The following NXPH1 variants were observed in gnomAD, a reference collection of about 807,000 sequenced individuals.
NXPH1 encodes the protein neurexophilin-1.
A neutral mutation model predicts 23.7 loss-of-function variants in NXPH1; 5 were observed. The ratio of observed to expected loss-of-function variants is 0.21; its 90% CI spans 0.11 to 0.44. NXPH1 has a LOEUF of 0.44. Ranked by LOEUF, NXPH1 falls within the 20% of genes least tolerant of loss-of-function variation. The pLI, the probability that NXPH1 is intolerant of heterozygous loss-of-function variation, is 0.99. For synonymous variants in NXPH1, 144 were observed against 122.2 expected, an observed-to-expected ratio of 1.18 and a Z score of -1.18; for missense variants, 324 against 321.6, an observed-to-expected ratio of 1.01 and a Z score of -0.06.
intron 2 of NXPH1, among the ~76,000 whole-genome samples, chr7:8,648,904 T>C (rs371826099): frequency 1.2e-4 from 19 of 152,234 alleles, no homozygotes; most frequent in African/African-American, 4.6e-4. Flanking sequence ...AAGTTTCTAA[T>C]TGGTATATCC....
At chr7:8,679,284 GA>G (rs1312529828) in intron 2 of NXPH1, among the ~76,000 whole-genome samples, 3 of 151,956 alleles carry the variant, frequency 2.0e-5, no homozygotes, top group Non-Finnish European at 2.9e-5. Flanking sequence ...AACATTTTAA[GA>G]AATAGTTCTG....
chr7:8,513,440 T>G (rs748779455), intron 2 of NXPH1, among the ~76,000 whole-genome samples: 22 of 152,126 alleles, frequency 1.4e-4, no homozygotes, highest in Non-Finnish European at 3.2e-4. Context: ...GCATTAATAT[T>G]CACATATTTG....
At chr7:8,678,008 C>A (rs1423161887) in intron 2 of NXPH1, among the ~76,000 whole-genome samples, 10 of 151,924 alleles carry the variant, frequency 6.6e-5, no homozygotes, top group African/African-American at 2.4e-4. Context: ...CCAATATAAA[C>A]ATCTCAATGT....
At chr7:8,446,843 T>C (rs1263604575) in intron 2 of NXPH1, among the ~76,000 whole-genome samples, 2 of 152,118 alleles carry the variant, frequency 1.3e-5, no homozygotes, top group African/African-American at 4.8e-5. Flanking sequence ...TTAAAAATCA[T>C]GGTGACATTT....
chr7:8,610,834 T>C (rs1291966709), intron 2 of NXPH1, among the ~76,000 whole-genome samples: 1 of 152,102 alleles, frequency 6.6e-6, no homozygotes, highest in African/African-American at 2.4e-5. Context: ...GGCTCTTTTT[T>C]GGAACAGGAG....
At chr7:8,689,723 T>C (rs1821198377) in intron 2 of NXPH1, among the ~76,000 whole-genome samples, 1 of 152,184 alleles carries the variant, frequency 6.6e-6, no homozygotes, top group African/African-American at 2.4e-5. Flanking sequence ...AGGAATCCAC[T>C]AATGCAATTT....
intron 2 of NXPH1, among the ~76,000 whole-genome samples, chr7:8,704,240 A>T (rs1779670537): frequency 6.6e-6 from 1 of 152,098 alleles, no homozygotes; most frequent in Admixed American, 6.6e-5. Context: ...TGGTAGCCTA[A>T]ATTCAATGAG....
chr7:8,722,491 T>C (rs1779985314), intron 2 of NXPH1, among the ~76,000 whole-genome samples: 1 of 152,182 alleles, frequency 6.6e-6, no homozygotes, highest in Non-Finnish European at 1.5e-5. Context: ...GTGCACAAGT[T>C]TGTGTCCAAA....
intron 2 of NXPH1, among the ~76,000 whole-genome samples, chr7:8,680,977 T>A (rs563907544): frequency 4.5e-4 from 68 of 152,376 alleles, no homozygotes; most frequent in Admixed American, 1.9e-3. Context: ...TTGAACTAGA[T>A]GTTTTACAGA....
At chr7:8,747,868 A>C (rs1408414571) in intron 2 of NXPH1, among the ~76,000 whole-genome samples, 1 of 152,244 alleles carries the variant, frequency 6.6e-6, no homozygotes, top group Non-Finnish European at 1.5e-5. Context: ...GTGTTACAGA[A>C]AAATAGTATC....
chr7:8,540,130 C>A (rs148732397), intron 2 of NXPH1, among the ~76,000 whole-genome samples: 1 of 151,832 alleles, frequency 6.6e-6, no homozygotes, highest in African/African-American at 2.4e-5. Flanking sequence ...AGTAGTGATT[C>A]TTATTTGGGG....
chr7:8,667,707 CTAGA>C (rs1438623375), intron 2 of NXPH1, among the ~76,000 whole-genome samples: 1 of 151,954 alleles, frequency 6.6e-6, no homozygotes, highest in Admixed American at 6.6e-5. Context: ...TCTTCTATAC[CTAGA>C]TATTTATATC....
intron 2 of NXPH1, among the ~76,000 whole-genome samples, chr7:8,680,405 A>G (rs759160318): frequency 3.3e-5 from 5 of 152,234 alleles, no homozygotes; most frequent in African/African-American, 1.2e-4. Context: ...AAAGATATGC[A>G]GTCTGTTCTT....
At chr7:8,482,510 A>T (rs1158641240) in intron 2 of NXPH1, among the ~76,000 whole-genome samples, 1 of 152,166 alleles carries the variant, frequency 6.6e-6, no homozygotes, top group Non-Finnish European at 1.5e-5. Context: ...AGTGAAAGCT[A>T]GCCTGCCCTA....
chr7:8,498,806 G>C (rs988500226), intron 2 of NXPH1, among the ~76,000 whole-genome samples: 4 of 152,074 alleles, frequency 2.6e-5, no homozygotes, highest in African/African-American at 9.7e-5. Context: ...AGCTTAGTAA[G>C]AGGGATAAGA....
At chr7:8,712,124 G>GA (rs1288859736) in intron 2 of NXPH1, among the ~76,000 whole-genome samples, 5 of 152,320 alleles carry the variant, frequency 3.3e-5, no homozygotes, top group Non-Finnish European at 7.3e-5. Context: ...TACAGCACTG[G>GA]TATAGACTCT....
intron 2 of NXPH1, among the ~76,000 whole-genome samples, chr7:8,461,843 A>AAAAAAAAAAAAGAAAG (rs758426131): frequency 8.2e-6 from 1 of 121,452 alleles, no homozygotes; most frequent in Admixed American, 8.8e-5. Context: ...TCTCAAAAAA[A>AAAAAAAAAAAAGAAAG]AAAAAAAAGA....
intron 2 of NXPH1, among the ~76,000 whole-genome samples, chr7:8,672,385 G>T (rs1302856560): frequency 2.6e-5 from 4 of 151,982 alleles, no homozygotes; most frequent in African/African-American, 7.3e-5. Context: ...ACGAGTTAAT[G>T]GGTGCAGCAC....
chr7:8,570,159 C>T (rs1431430982), intron 2 of NXPH1, among the ~76,000 whole-genome samples: 1 of 151,756 alleles, frequency 6.6e-6, no homozygotes, highest in Non-Finnish European at 1.5e-5. Context: ...ATGAATGGTT[C>T]TTAATTTATT....
Sources: allele counts gnomAD v4.1 joint callset (sites outside exome capture counted in the v4.1 genomes callset), GRCh38; gene constraint gnomAD v4.1.1; transcripts MANE v1.5; gene names NCBI Gene and HGNC (gene_info 2026-07-23, HGNC 2026-07-21).